The following RGS7 variants were observed in gnomAD, a reference collection of about 807,000 sequenced individuals.
RGS7 encodes regulator of G-protein signaling 7.
A neutral mutation model predicts 81.1 loss-of-function variants in RGS7; 27 were observed. The observed-to-expected ratio is 0.33, with a 90% CI of 0.25 to 0.46. The LOEUF (loss-of-function observed/expected upper bound fraction) is 0.46, where lower values mean the gene tolerates loss of function less well. Among genes scored for constraint, RGS7 ranks in the 20% least tolerant of loss-of-function variants. RGS7 has a pLI of 1.00. For missense variants in RGS7, 396 were observed against 607.4 expected (o/e 0.65, Z 3.66); for synonymous variants, 208 against 207.7 (o/e 1.00, Z -0.01).
chr1:240,967,581 GA>G lies in RGS7; in HGVS notation c.226+15497del, dbSNP rs149860484. 6.4e-3 allele frequency among the ~76,000 whole-genome samples: 883 copies of G among 139,018 alleles called. 19 individuals are homozygous for G. The highest frequency in any genetic ancestry group is 0.013 in the East Asian group (58 of 4,470). The allele number at this position is 139,018 out of a possible 152,430, so 91.2% of individuals were successfully genotyped here. A position where few individuals can be genotyped will look rare whatever the true frequency, so the allele number is the denominator to read the frequency against. On this transcript the variant is annotated intron_variant, in intron 4 of 18. Coordinates refer to ENST00000440928, the MANE Select transcript of RGS7 (RefSeq NM_001364886.1). ...TGTGCCAAGAAGTGGGGGGGGGGGG[GA>G]AAAGGCTGTAGCAAGAGTATGGGCT...
At chr1:240,994,745 C>T (rs1199517049) in intron 3 of RGS7, among the ~76,000 whole-genome samples, 2 of 151,940 alleles carry the variant, frequency 1.3e-5, no homozygotes, top group Non-Finnish European at 2.9e-5. Flanking sequence ...TAGAGGAAAA[C>T]ATTCACTCTT....
chr1:241,326,876 C>T (rs1308150009), intron 2 of RGS7, among the ~76,000 whole-genome samples: 1 of 148,392 alleles, frequency 6.7e-6, no homozygotes, highest in Non-Finnish European at 1.5e-5. Context: ...TGGAACAGCT[C>T]CCCAGCCTGG....
At chr1:241,229,697 G>C (rs2075539292) in intron 2 of RGS7, among the ~76,000 whole-genome samples, 2 of 152,188 alleles carry the variant, frequency 1.3e-5, no homozygotes, top group African/African-American at 4.8e-5. Flanking sequence ...CATCTTATCA[G>C]TTTATCATCC....
At chr1:240,814,228 T>C (rs1214106242) in intron 12 of RGS7, among the ~76,000 whole-genome samples, 1 of 152,186 alleles carries the variant, frequency 6.6e-6, no homozygotes, top group African/African-American at 2.4e-5. Context: ...GATTTGGCAA[T>C]GCCCAAAAGT....
At chr1:240,841,542 G>A (rs964462671) in intron 9 of RGS7, among the ~76,000 whole-genome samples, 1 of 151,920 alleles carries the variant, frequency 6.6e-6, no homozygotes, top group African/African-American at 2.4e-5. Context: ...AGCTAATAAC[G>A]CCTCTTCTAT....
chr1:241,210,746 G>T (rs892057814), intron 2 of RGS7, among the ~76,000 whole-genome samples: 1 of 152,180 alleles, frequency 6.6e-6, no homozygotes. Flanking sequence ...TTTCTAGTGG[G>T]ATTGCTTTGT....
intron 18 of RGS7, among the ~76,000 whole-genome samples, chr1:240,791,430 T>A (rs968922313): frequency 6.6e-6 from 1 of 152,242 alleles, no homozygotes; most frequent in African/African-American, 2.4e-5. Context: ...AATATATCCA[T>A]GCTTATAGAT....
intron 3 of RGS7, among the ~76,000 whole-genome samples, chr1:241,008,289 A>AT (rs1455043141): frequency 6.6e-6 from 1 of 152,168 alleles, no homozygotes; most frequent in Non-Finnish European, 1.5e-5. Context: ...ATAAAACTCT[A>AT]TTTTTTCTCC....
intron 3 of RGS7, among the ~76,000 whole-genome samples, chr1:241,045,021 T>C (rs542686067): frequency 6.6e-6 from 1 of 152,220 alleles, no homozygotes; most frequent in Non-Finnish European, 1.5e-5. Flanking sequence ...TCTAAAGAGC[T>C]TTTAATTTCC....
intron 2 of RGS7, among the ~76,000 whole-genome samples, chr1:241,217,905 C>T (rs1386893857): frequency 6.6e-6 from 1 of 152,176 alleles, no homozygotes; most frequent in Non-Finnish European, 1.5e-5. Context: ...TTTGCAAGTT[C>T]CAAAACTCAA....
intron 2 of RGS7, among the ~76,000 whole-genome samples, chr1:241,228,531 C>A (rs2075463164): frequency 6.6e-6 from 1 of 151,972 alleles, no homozygotes; most frequent in Non-Finnish European, 1.5e-5. Context: ...GAGAGATAAA[C>A]CCAACTAGAT....
At chr1:241,247,555 C>T (rs917245581) in intron 2 of RGS7, among the ~76,000 whole-genome samples, 2 of 152,034 alleles carry the variant, frequency 1.3e-5, no homozygotes, top group African/African-American at 2.4e-5. Flanking sequence ...GGATAACTAG[C>T]CACGGAGGGT....
intron 2 of RGS7, among the ~76,000 whole-genome samples, chr1:241,274,195 A>G (rs2078071064): frequency 6.6e-6 from 1 of 152,250 alleles, no homozygotes; most frequent in Admixed American, 6.5e-5. Flanking sequence ...ACATCTATCC[A>G]GATAGAAAAG....
At chr1:240,825,550 CT>C (rs1692654574) in intron 10 of RGS7, among the ~76,000 whole-genome samples, 1 of 152,168 alleles carries the variant, frequency 6.6e-6, no homozygotes, top group Admixed American at 6.5e-5. Flanking sequence ...AATGTTAGCG[CT>C]AGACAGCTCT....
intron 6 of RGS7, chr1:240,920,020 AT>A: frequency 2.4e-6 from 3 of 1,243,808 alleles, no homozygotes; most frequent in Non-Finnish European, 3.5e-6. Context: ...CTAAGAGATT[AT>A]TTTGAACAGT....
intron 2 of RGS7, among the ~76,000 whole-genome samples, chr1:241,156,080 GCA>G (rs149769224): frequency 0.071 from 10,304 of 145,364 alleles, 442 homozygotes; most frequent in African/African-American, 0.12. Flanking sequence ...ACACACGCAC[GCA>G]CACACACACA....
intron 2 of RGS7, among the ~76,000 whole-genome samples, chr1:241,306,644 C>G (rs1431056648): frequency 1.4e-5 from 2 of 143,172 alleles, no homozygotes; most frequent in East Asian, 2.0e-4. Flanking sequence ...ATGCACGTAC[C>G]CTTTCACACA....
At chr1:241,291,924 C>T (rs2079112515) in intron 2 of RGS7, among the ~76,000 whole-genome samples, 1 of 152,152 alleles carries the variant, frequency 6.6e-6, no homozygotes, top group Non-Finnish European at 1.5e-5. Flanking sequence ...ATCTGTAGTA[C>T]AATCACCGAA....
chr1:240,842,344 A>G (rs928633214), intron 9 of RGS7, among the ~76,000 whole-genome samples: 1 of 151,434 alleles, frequency 6.6e-6, no homozygotes, highest in Non-Finnish European at 1.5e-5. Flanking sequence ...GATTACAGGC[A>G]TGCATCACCA....
Sources: allele counts gnomAD v4.1 joint callset (sites outside exome capture counted in the v4.1 genomes callset), GRCh38; gene constraint gnomAD v4.1.1; transcripts MANE v1.5; gene names NCBI Gene and HGNC (gene_info 2026-07-23, HGNC 2026-07-21).